The following FANCI variants were observed in gnomAD, a reference collection of about 807,000 sequenced individuals.
FANCI encodes the protein Fanconi anemia group I protein.
A neutral mutation model predicts 176.1 loss-of-function variants in FANCI; 156 were observed. That is an observed-to-expected ratio of 0.89 (90% CI 0.78 to 1.01). The LOEUF is 1.01. Ranked by LOEUF, FANCI falls within the 50% of genes least tolerant of loss-of-function variation. The pLI is 0.00. For missense variants in FANCI, 1,678 were observed against 1,534.1 expected (o/e 1.09, Z -1.57); for synonymous variants, 613 against 541.7 (o/e 1.13, Z -1.83).
chr15:89,312,248 G>A (rs1212877587), intron 34 of FANCI, among the ~76,000 whole-genome samples: 1 of 151,986 alleles, frequency 6.6e-6, no homozygotes, highest in Non-Finnish European at 1.5e-5. Flanking sequence ...AAATAGAAAT[G>A]AATATTCCTG....
At chr15:89,311,667 A>G (rs917107123) in intron 34 of FANCI, among the ~76,000 whole-genome samples, 1 of 152,192 alleles carries the variant, frequency 6.6e-6, no homozygotes, top group South Asian at 2.1e-4. Flanking sequence ...AGATTACTGC[A>G]TACCAGCCCC....
intron 24 of FANCI, among the ~76,000 whole-genome samples, chr15:89,295,661 C>T (rs920886690): frequency 6.6e-6 from 1 of 151,284 alleles, no homozygotes; most frequent in African/African-American, 2.4e-5. Context: ...AGCGAAACTC[C>T]ATCTTAAAAG....
At chr15:89,265,870 CA>C (rs893505199) in intron 9 of FANCI, among the ~76,000 whole-genome samples, 18 of 152,234 alleles carry the variant, frequency 1.2e-4, no homozygotes, top group African/African-American at 3.9e-4. Context: ...CATTCTGTGC[CA>C]GGGGCTATTC....
At chr15:89,255,193 G>A (rs948605734) in intron 2 of FANCI, among the ~76,000 whole-genome samples, 9 of 152,130 alleles carry the variant, frequency 5.9e-5, no homozygotes, top group Non-Finnish European at 8.8e-5. Flanking sequence ...TTTGCTGAAT[G>A]TGTCTCATTT....
At chr15:89,287,264 C>T (rs148587995) in intron 18 of FANCI, among the ~76,000 whole-genome samples, 8,340 of 152,248 alleles carry the variant, frequency 0.055, 267 homozygotes, top group Middle Eastern at 0.085. Context: ...TGAGCCACTG[C>T]GCCCAGCCCC....
chr15:89,301,284 T>C, intron 26 of FANCI, 42 bp from the exon 27 acceptor site: 1 of 1,289,500 alleles, frequency 7.8e-7, no homozygotes, highest in Non-Finnish European at 1.1e-6. Flanking sequence ...GATAGGAACG[T>C]GTCTGCTAAC....
chr15:89,300,660 A>C (rs116655082), intron 26 of FANCI, among the ~76,000 whole-genome samples: 2 of 152,248 alleles, frequency 1.3e-5, no homozygotes, highest in African/African-American at 2.4e-5. Context: ...TCTTCAAGGC[A>C]TAGAGTCTGT....
intron 18 of FANCI, 132 bp downstream of exon 18, chr15:89,285,350 T>A (rs988861372): frequency 1.6e-6 from 2 of 1,281,112 alleles, no homozygotes; most frequent in African/African-American, 3.0e-5. Flanking sequence ...TAGCTAGTGA[T>A]GTTTAGTCAA....
At chr15:89,313,024 C>A in intron 35 of FANCI, 52 bp downstream of exon 35, 1 of 1,540,112 alleles carries the variant, frequency 6.5e-7, no homozygotes, top group Non-Finnish European at 9.0e-7. Flanking sequence ...AACCCGAAAA[C>A]ATGAAGCGGA....
intron 3 of FANCI, 28 bp downstream of exon 3, chr15:89,258,804 T>A: frequency 6.7e-7 from 1 of 1,496,506 alleles, no homozygotes; most frequent in Non-Finnish European, 9.3e-7. Context: ...CACTTCTGTC[T>A]GTCTCCTGCA....
At position 89,258,853 on chromosome 15, in the gene FANCI, C is replaced by G. The variant is rs766383889; in HGVS notation, c.157+77C>G. Reference sequence around the variant, plus strand: ...TTGTTTAGTTTTCGTACTTTTCTTACGGTTTGAAGCCCCACTGGAACATTT... The same window carrying G: ...TTGTTTAGTTTTCGTACTTTTCTTAGGGTTTGAAGCCCCACTGGAACATTT... On this transcript the variant is annotated intron_variant, in intron 3 of 37. Transcript: ENST00000310775. The G allele has an allele frequency of 7.4e-6, 8 of 1,079,478 alleles. No homozygotes were observed. The African/African-American group carries it at 7.8e-5, about 10-fold the overall frequency. 66.9% of individuals were successfully genotyped at this position (1,079,478 alleles called of 1,614,324 possible). A position where few individuals can be genotyped will look rare whatever the true frequency, so the allele number is the denominator to read the frequency against.
intron 6 of FANCI, among the ~76,000 whole-genome samples, chr15:89,262,798 A>G (rs1186314014): frequency 6.6e-6 from 1 of 152,214 alleles, no homozygotes; most frequent in Non-Finnish European, 1.5e-5. Flanking sequence ...ATTCTTTTTA[A>G]TGGTTTGCAG....
intron 24 of FANCI, among the ~76,000 whole-genome samples, chr15:89,299,270 T>C (rs532518544): frequency 6.6e-6 from 1 of 152,186 alleles, no homozygotes; most frequent in Non-Finnish European, 1.5e-5. Flanking sequence ...CAAACTTTTT[T>C]CACAAAACTT....
rs192229547 is a variant in FANCI at position 89,255,776 on chromosome 15, G to C, written c.85-2928G>C. On this transcript the variant is annotated intron_variant, in intron 2 of 37. Transcript: ENST00000310775. ...CTTAAATCTTACTTGCTCTATTTCT[G>C]AGTTTTAAAATGTAGTAAAAAGCAT... Among the ~76,000 whole-genome samples the C allele has an allele frequency of 2.0e-5, 3 of 152,292 alleles. No homozygotes were observed. The East Asian group carries it at 5.8e-4, about 29-fold the overall frequency.
At chr15:89,303,154 C>CG in intron 27 of FANCI, among the ~76,000 whole-genome samples, 1 of 152,310 alleles carries the variant, frequency 6.6e-6, no homozygotes, top group South Asian at 2.1e-4. Flanking sequence ...TTCTGAAGAT[C>CG]TTTTAATATC....
At chr15:89,310,913 T>C (rs1040664244) in intron 34 of FANCI, among the ~76,000 whole-genome samples, 1 of 151,902 alleles carries the variant, frequency 6.6e-6, no homozygotes, top group Admixed American at 6.6e-5. Context: ...TCACAAGGTC[T>C]GGAGTTTGAG....
chr15:89,258,091 C>CT (rs2052573303), intron 2 of FANCI, among the ~76,000 whole-genome samples: 1 of 151,082 alleles, frequency 6.6e-6, no homozygotes, highest in Admixed American at 6.6e-5. Context: ...TTAAGCAAGG[C>CT]TTTGGCCTCA....
At chr15:89,250,257 C>A (rs1054177809) in intron 2 of FANCI, among the ~76,000 whole-genome samples, 1 of 151,990 alleles carries the variant, frequency 6.6e-6, no homozygotes, top group African/African-American at 2.4e-5. Context: ...ATGTTTATTG[C>A]GGCACTATTC....
intron 35 of FANCI, among the ~76,000 whole-genome samples, chr15:89,314,158 G>C (rs182856197): frequency 2.0e-4 from 22 of 111,186 alleles, no homozygotes; most frequent in Admixed American, 1.7e-3. Context: ...CAAAAATGTA[G>C]GACCTTTCGT....
Sources: allele counts gnomAD v4.1 joint callset (sites outside exome capture counted in the v4.1 genomes callset), GRCh38; gene constraint gnomAD v4.1.1; transcripts MANE v1.5; gene names NCBI Gene and HGNC (gene_info 2026-07-23, HGNC 2026-07-21).